PPP1R1C: variants seen among roughly 807,000 people sequenced by gnomAD.
The protein encoded by PPP1R1C is protein phosphatase 1 regulatory subunit 1C.
In PPP1R1C, 15 loss-of-function variants were observed where a neutral mutation model predicts 17.4. The ratio of observed to expected loss-of-function variants is 0.86; its 90% confidence interval spans 0.58 to 1.33. PPP1R1C has a LOEUF of 1.33. Ranked by LOEUF, PPP1R1C falls within the 40% of genes most tolerant of loss-of-function variation. The pLI is 0.00. For missense variants in PPP1R1C, 143 were observed against 130.0 expected (o/e 1.10, Z -0.48); for synonymous variants, 35 against 43.1 (o/e 0.81, Z 0.73).
At chr2:181,960,492 A>C (rs1684752796) in intron 1 of PPP1R1C, among the ~76,000 whole-genome samples, 3 of 152,232 alleles carry the variant, frequency 2.0e-5, no homozygotes, top group African/African-American at 7.2e-5. Context: ...TCATCCAAAC[A>C]GGAAAACTGG....
At chr2:181,984,998 C>A (rs1685263087), upstream of PPP1R1C, among the ~76,000 whole-genome samples, 3 of 152,222 alleles carry the variant, frequency 2.0e-5, no homozygotes, top group South Asian at 6.2e-4. Flanking sequence ...ACCCTCTGAA[C>A]ATTACCCACT....
At chr2:182,123,701 T>C (rs1689795082) in intron 5 of PPP1R1C, among the ~76,000 whole-genome samples, 2 of 152,172 alleles carry the variant, frequency 1.3e-5, no homozygotes, top group African/African-American at 2.4e-5. Context: ...GATGGGGTTG[T>C]TTGTTTTTTT....
intron 2 of PPP1R1C, among the ~76,000 whole-genome samples, chr2:182,059,732 AC>A (rs1687795264): frequency 6.6e-6 from 1 of 151,392 alleles, no homozygotes; most frequent in South Asian, 2.1e-4. Context: ...AACAACAACA[AC>A]AACAACAAAA....
At chr2:181,970,323 T>C (rs1684983974) in intron 1 of PPP1R1C, among the ~76,000 whole-genome samples, 1 of 152,164 alleles carries the variant, frequency 6.6e-6, no homozygotes, top group Non-Finnish European at 1.5e-5. Flanking sequence ...TGATCTAAGA[T>C]ATTGGTCATT....
chr2:182,079,216 C>T (rs1392663738), intron 4 of PPP1R1C, among the ~76,000 whole-genome samples: 1 of 152,100 alleles, frequency 6.6e-6, no homozygotes. Flanking sequence ...AATAAATTCA[C>T]GTCTCTGATA....
chr2:182,059,019 G>C (rs1387813746), intron 2 of PPP1R1C, among the ~76,000 whole-genome samples: 1 of 152,052 alleles, frequency 6.6e-6, no homozygotes, highest in Non-Finnish European at 1.5e-5. Flanking sequence ...TGTAGTTCAC[G>C]TGTGTATCCA....
chr2:182,117,311 A>G lies in PPP1R1C; in HGVS notation c.*16A>G, dbSNP rs779041614. 8 of 1,513,186 alleles carry G rather than the reference A, an allele frequency of 5.3e-6. No homozygotes were observed. Among genetic ancestry groups the G allele is most frequent in the Non-Finnish European group, 7.1e-6 (8 of 1,120,480 alleles). The allele number at this position is 1,513,186 out of a possible 1,614,324, so 93.7% of individuals were successfully genotyped here. A position where few individuals can be genotyped will look rare whatever the true frequency, so the allele number is the denominator to read the frequency against. On this transcript the variant is annotated 3_prime_UTR_variant, in exon 5 of 5. Coordinates refer to ENST00000682840, the MANE Select transcript of PPP1R1C (RefSeq NM_001080545.3). Reference sequence around the variant, plus strand: ...GGACCATTAATTACTGGTCTGCAGCAAGAAGGCTTCTTGGAAATAACTGAA... The same window carrying G: ...GGACCATTAATTACTGGTCTGCAGCGAGAAGGCTTCTTGGAAATAACTGAA...
intron 2 of PPP1R1C, among the ~76,000 whole-genome samples, chr2:181,997,048 T>C (rs1685632161): frequency 6.6e-6 from 1 of 151,750 alleles, no homozygotes; most frequent in South Asian, 2.1e-4. Flanking sequence ...GCTAACATGG[T>C]GAAACCCTGT....
At chr2:182,061,730 G>C (rs755427714) in intron 3 of PPP1R1C, among the ~76,000 whole-genome samples, 1 of 152,030 alleles carries the variant, frequency 6.6e-6, no homozygotes, top group Non-Finnish European at 1.5e-5. Flanking sequence ...GCAAAATGTG[G>C]TATTGACAAC....
At chr2:182,092,152 A>T (rs549451228) in intron 4 of PPP1R1C, among the ~76,000 whole-genome samples, 1 of 152,222 alleles carries the variant, frequency 6.6e-6, no homozygotes, top group South Asian at 2.1e-4. Context: ...CAGGCAATTT[A>T]CAAAAGAAAG....
At chr2:181,991,966 A>G (rs992078155) in intron 2 of PPP1R1C, among the ~76,000 whole-genome samples, 26 of 152,162 alleles carry the variant, frequency 1.7e-4, no homozygotes, top group Non-Finnish European at 3.7e-4. Flanking sequence ...CATCACATCT[A>G]TAGATATTTT....
intron 2 of PPP1R1C, among the ~76,000 whole-genome samples, chr2:182,053,916 G>A (rs566888908): frequency 6.3e-4 from 96 of 152,154 alleles, no homozygotes; most frequent in African/African-American, 2.3e-3. Flanking sequence ...GAGTAGCTGG[G>A]ACTACAGGTG....
chr2:182,090,108 G>A (rs1285659892), intron 4 of PPP1R1C, among the ~76,000 whole-genome samples: 1 of 151,918 alleles, frequency 6.6e-6, no homozygotes, highest in Non-Finnish European at 1.5e-5. Flanking sequence ...TATACGTTCT[G>A]TACACTTAAT....
rs1312508658 is a variant in PPP1R1C at position 182,064,636 on chromosome 2, C to T, written c.241+845C>T. 3.3e-5 allele frequency among the ~76,000 whole-genome samples: 5 copies of T among 152,048 alleles called. No homozygotes were observed. In the South Asian group the frequency reaches 6.2e-4, roughly 19 times the overall value. On this transcript the variant is annotated intron_variant, in intron 4 of 4. Transcript: ENST00000682840. ...TAGATTTGGGGCCTATTCAGGGAGGCGGGATATAAATGGACACATTAATAG... is the reference window on the plus strand; with the variant it reads ...TAGATTTGGGGCCTATTCAGGGAGGTGGGATATAAATGGACACATTAATAG...
chr2:182,041,930 A>G (rs1317613021), intron 2 of PPP1R1C, among the ~76,000 whole-genome samples: 1 of 152,142 alleles, frequency 6.6e-6, no homozygotes, highest in Non-Finnish European at 1.5e-5. Context: ...CCTTTGATCT[A>G]ATATGTGGTT....
intron 3 of PPP1R1C, among the ~76,000 whole-genome samples, chr2:182,062,981 T>C (rs1687890210): frequency 6.6e-6 from 1 of 152,088 alleles, no homozygotes; most frequent in South Asian, 2.1e-4. Context: ...CATTTTCCGA[T>C]TGGGGGTTAG....
At position 182,117,434 on chromosome 2, in the gene PPP1R1C, T is replaced by C; in HGVS notation, c.*139T>C. The C allele has an allele frequency of 1.7e-6, 1 of 599,390 alleles. No individual in the cohort carries two copies. 37.1% of individuals were successfully genotyped at this position (599,390 alleles called of 1,614,324 possible). On this transcript the variant is annotated 3_prime_UTR_variant, in exon 5 of 5. Transcript: ENST00000682840. ...CACACTCATACAGTAGCTATGCACATCCTGGAAGTCTCCTTGACTGAACTT... is the reference window on the plus strand; with the variant it reads ...CACACTCATACAGTAGCTATGCACACCCTGGAAGTCTCCTTGACTGAACTT...
downstream of PPP1R1C, among the ~76,000 whole-genome samples, chr2:182,119,224 AG>A (rs1271570124): frequency 6.6e-6 from 1 of 152,022 alleles, no homozygotes; most frequent in Non-Finnish European, 1.5e-5. Context: ...GTCCCTACAA[AG>A]GACATGAACT....
At chr2:182,046,961 A>G (rs868521563) in intron 2 of PPP1R1C, among the ~76,000 whole-genome samples, 1 of 151,568 alleles carries the variant, frequency 6.6e-6, no homozygotes, top group African/African-American at 2.4e-5. Flanking sequence ...ACCTATGTGG[A>G]AAAAAAAAGA....
Sources: allele counts gnomAD v4.1 joint callset (sites outside exome capture counted in the v4.1 genomes callset), GRCh38; gene constraint gnomAD v4.1.1; transcripts MANE v1.5; gene names NCBI Gene and HGNC (gene_info 2026-07-23, HGNC 2026-07-21).